Variants in TLR3 observed in about 807,000 individuals in gnomAD.
TLR3 encodes the protein toll like receptor 3.
In TLR3, 43 loss-of-function variants were observed where a neutral mutation model predicts 66.4. That is an observed-to-expected ratio of 0.65 (90% CI 0.51 to 0.83). The LOEUF is 0.83. TLR3 is among the 40% of genes least tolerant of loss of function. TLR3 has a pLI of 0.00. For missense variants in TLR3, 982 were observed against 1,044.6 expected (o/e 0.94, Z 0.83); for synonymous variants, 397 against 397.2 (o/e 1.00, Z 0.01).
Position 186,087,918 on chromosome 4 carries a change from T to A in TLR3, c.*3045T>A, listed in dbSNP as rs1456782123. The A allele has an allele frequency of 1.3e-5, 2 of 152,048 alleles. No individual in the cohort carries two copies. Among genetic ancestry groups the A allele is most frequent in the African/African-American group, 4.8e-5 (2 of 41,372 alleles). The allele number at this position is 152,048 out of a possible 1,614,324, so 9.4% of individuals were successfully genotyped here. On this transcript the variant is annotated 3_prime_UTR_variant, in exon 5 of 5. Coordinates refer to ENST00000296795, the MANE Select transcript of TLR3 (RefSeq NM_003265.3). ...ATAGGTGGAAGAGACCTTTTTTGGGTGATGAAAGTGCTCTATAATTGGGTT... is the reference window on the plus strand; with the variant it reads ...ATAGGTGGAAGAGACCTTTTTTGGGAGATGAAAGTGCTCTATAATTGGGTT...
intron 3 of TLR3, 159 bp from the exon 4 acceptor site, chr4:186,082,161 T>C (rs916149977): frequency 2.2e-5 from 15 of 669,946 alleles, no homozygotes; most frequent in Admixed American, 3.3e-5. Flanking sequence ...GGAGGTGGAG[T>C]TTGCAGTGAG....
chr4:186,087,346 A>G lies in TLR3; in HGVS notation c.*2473A>G, dbSNP rs1447881829. ...TGACTCCTATCTGACCTAGGTAGGA[A>G]GTAACATCCAGAACTTCTGCAGGCT... On this transcript the variant is annotated 3_prime_UTR_variant, in exon 5 of 5. Transcript: ENST00000296795. 6.6e-6 allele frequency: 1 copy of G among 152,252 alleles called. No homozygotes were observed. The highest frequency in any genetic ancestry group is 2.4e-5 in the African/African-American group (1 of 41,462). 9.4% of individuals were successfully genotyped at this position (152,252 alleles called of 1,614,324 possible). A position where few individuals can be genotyped will look rare whatever the true frequency, so the allele number is the denominator to read the frequency against.
chr4:186,076,715 T>C lies in TLR3; in HGVS notation c.96T>C (p.His32=). The C allele has an allele frequency of 6.2e-7, 1 of 1,614,182 alleles. No individual in the cohort carries two copies. Among genetic ancestry groups the C allele is most frequent in the Non-Finnish European group, 8.5e-7 (1 of 1,180,044 alleles). ...CCACCACCAAGTGCACTGTTAGCCA[T>C]GAAGTTGCTGACTGCAGCCACCTGA... ...ASSTTKCTVS[H]EVADCSHLKL... is the part of the protein sequence containing the mutation. Residue 32 remains histidine, a synonymous_variant, in exon 2 of 5, where the codon CAT becomes CAC. Transcript: ENST00000296795.
At chr4:186,070,870 C>G (rs2099301336) in intron 1 of TLR3, among the ~76,000 whole-genome samples, 1 of 150,598 alleles carries the variant, frequency 6.6e-6, no homozygotes, top group African/African-American at 2.4e-5. Context: ...CACTTGGCTA[C>G]TTTCTAAAAT....
At position 186,086,303 on chromosome 4, in the gene TLR3, T is replaced by G. The variant is rs1159201778; in HGVS notation, c.*1430T>G. The G allele has an allele frequency of 6.6e-6, 1 of 152,256 alleles. No individual in the cohort carries two copies. Among genetic ancestry groups the G allele is most frequent in the African/African-American group, 2.4e-5 (1 of 41,466 alleles). 9.4% of individuals were successfully genotyped at this position (152,256 alleles called of 1,614,324 possible). On this transcript the variant is annotated 3_prime_UTR_variant, in exon 5 of 5. Transcript: ENST00000296795. ...AAAGAGAAACCTGAAATTATAAAGC[T>G]GAGTTAATTTCTATACCTGAAATGT...
chr4:186,075,776 T>C (rs189954664), intron 1 of TLR3, among the ~76,000 whole-genome samples: 42 of 152,312 alleles, frequency 2.8e-4, no homozygotes, highest in African/African-American at 9.4e-4. Flanking sequence ...CTTGACAATG[T>C]CAAGCAATGT....
intron 1 of TLR3, among the ~76,000 whole-genome samples, chr4:186,071,861 G>C (rs2099301531): frequency 6.6e-6 from 1 of 152,114 alleles, no homozygotes; most frequent in Non-Finnish European, 1.5e-5. Flanking sequence ...ATGACTTTTA[G>C]ATCTTGTGGA....
rs1178293723 is a variant in TLR3 at position 186,083,142 on chromosome 4, A to G, written c.1456A>G (p.Met486Val). Residue 486 changes from methionine (M) to valine (V), a missense_variant, in exon 4 of 5, where the codon ATG (methionine) becomes GTG (valine). By Grantham distance (21) the Met-to-Val change is conservative (BLOSUM62 1). Coordinates refer to ENST00000296795, the MANE Select transcript of TLR3 (RefSeq NM_003265.3). The surrounding 1 kb of genome is among the most constrained non-coding windows in gnomAD (Gnocchi z 4.0). The stretch of plus-strand genomic sequence containing the variant: ...CTTGGTCCCAAGCCTTCAACGACTG[A>G]TGCTCCGAAGGGTGGCCCTTAAAAA... ...FALVPSLQRL[M>V]LRRVALKNVD... 1 of 1,614,186 alleles carries G rather than the reference A, an allele frequency of 6.2e-7. No individual in the cohort carries two copies. Among genetic ancestry groups the G allele is most frequent in the East Asian group, 2.2e-5 (1 of 44,884 alleles).
chr4:186,076,664 G>A lies in TLR3; in HGVS notation c.45G>A (p.Leu15=), dbSNP rs374004299. The change falls in exon 2 of 5, where the codon TTG becomes TTA. Residue 15 remains leucine, a synonymous_variant. Coordinates refer to ENST00000296795, the MANE Select transcript of TLR3 (RefSeq NM_003265.3). ...GTATCTACTTTTGGGGGGGCCTTTT[G>A]CCCTTTGGGATGCTGTGTGCATCCT... ...LPCIYFWGGL[L]PFGMLCASST... 4 of 1,614,000 alleles carry A rather than the reference G, an allele frequency of 2.5e-6. No homozygotes were observed. The African/African-American group carries it at 5.3e-5, about 22-fold the overall frequency.
intron 3 of TLR3, among the ~76,000 whole-genome samples, chr4:186,079,947 G>A (rs2099303147): frequency 6.6e-6 from 1 of 152,174 alleles, no homozygotes; most frequent in Non-Finnish European, 1.5e-5. Flanking sequence ...GGGCTAACTC[G>A]CAGGGGCCTG....
intron 2 of TLR3, among the ~76,000 whole-genome samples, chr4:186,078,623 T>C (rs2099302862): frequency 6.6e-6 from 1 of 152,188 alleles, no homozygotes; most frequent in Non-Finnish European, 1.5e-5. Flanking sequence ...AATAAAATCC[T>C]TCCTACAATG....
chr4:186,081,438 G>T (rs556442062), intron 3 of TLR3, among the ~76,000 whole-genome samples: 1 of 152,112 alleles, frequency 6.6e-6, no homozygotes, highest in Non-Finnish European at 1.5e-5. Context: ...GGTGTAGGAC[G>T]GAGCAGAAGG....
At position 186,076,680 on chromosome 4, in the gene TLR3, T is replaced by C. The variant is rs1279991080; in HGVS notation, c.61T>C (p.Cys21Arg). 2.5e-6 allele frequency: 4 copies of C among 1,614,226 alleles called. No homozygotes were observed. The South Asian group carries it at 3.3e-5, about 13-fold the overall frequency. The change falls in exon 2 of 5, where the codon TGT becomes CGT. Residue 21 changes from cysteine to arginine, a missense_variant. Coordinates refer to ENST00000296795, the MANE Select transcript of TLR3 (RefSeq NM_003265.3). ...WGGLLPFGMLCASSTTKCTVS... is the reference protein window; with the variant it reads ...WGGLLPFGMLRASSTTKCTVS... ...GGGCCTTTTGCCCTTTGGGATGCTGTGTGCATCCTCCACCACCAAGTGCAC... is the reference window on the plus strand; with the variant it reads ...GGGCCTTTTGCCCTTTGGGATGCTGCGTGCATCCTCCACCACCAAGTGCAC...
At chr4:186,075,555 G>A (rs1016777589) in intron 1 of TLR3, among the ~76,000 whole-genome samples, 17 of 152,034 alleles carry the variant, frequency 1.1e-4, no homozygotes, top group Non-Finnish European at 1.9e-4. Flanking sequence ...CCTTGAGCCC[G>A]AGAGTTGGAA....
chr4:186,070,274 T>C (rs928606506), intron 1 of TLR3, among the ~76,000 whole-genome samples: 1 of 152,264 alleles, frequency 6.6e-6, no homozygotes, highest in East Asian at 1.9e-4. Flanking sequence ...ATCGTATGGC[T>C]ATAAACTTAC....
intron 1 of TLR3, 128 bp from the exon 2 acceptor site, chr4:186,076,485 A>G: frequency 3.3e-6 from 3 of 910,502 alleles, no homozygotes; most frequent in Non-Finnish European, 5.3e-6. Flanking sequence ...TGTATGGCAT[A>G]AAACTATGAG....
At chr4:186,082,250 AAG>A in intron 3 of TLR3, 68 bp from the exon 4 acceptor site, 2 of 903,464 alleles carry the variant, frequency 2.2e-6, no homozygotes, top group East Asian at 2.6e-5. Context: ...AAAAAAAAAA[AAG>A]GCTTTCAACA....
intron 1 of TLR3, among the ~76,000 whole-genome samples, chr4:186,074,335 C>T (rs2099302040): frequency 6.6e-6 from 1 of 152,192 alleles, no homozygotes; most frequent in South Asian, 2.1e-4. Context: ...AACCAGACAG[C>T]CGGCGTGTGA....
At chr4:186,084,321 A>G (rs1284466840) in intron 4 of TLR3, 149 bp downstream of exon 4, 6 of 846,448 alleles carry the variant, frequency 7.1e-6, no homozygotes, top group Non-Finnish European at 1.1e-5. Flanking sequence ...CCTGGGTTCA[A>G]GTAATTCTCC....
Sources: gnomAD v4.1 joint callset for allele counts (sites outside exome capture counted in the v4.1 genomes callset) on GRCh38, gnomAD v4.1.1 for gene constraint, Gnocchi (gnomAD v3.1) non-coding constraint, MANE v1.5 for transcripts, NCBI Gene and HGNC (gene_info 2026-07-23, HGNC 2026-07-21) for gene names.